Variants in ICA1 observed in about 807,000 individuals in gnomAD.
The protein encoded by ICA1 is islet cell autoantigen 1.
A neutral mutation model predicts 71.0 loss-of-function variants in ICA1; 40 were observed. The ratio of observed to expected loss-of-function variants is 0.56; its 90% CI spans 0.44 to 0.73. The LOEUF is 0.73. ICA1 is among the 30% of genes least tolerant of loss of function. The pLI is 0.00. For synonymous variants in ICA1, 207 were observed against 209.5 expected, an observed-to-expected ratio of 0.99 and a Z score of 0.10; for missense variants, 578 against 576.5, an observed-to-expected ratio of 1.00 and a Z score of -0.03.
At chr7:8,161,076 T>G (rs567004292) in intron 6 of ICA1, among the ~76,000 whole-genome samples, 3 of 152,110 alleles carry the variant, frequency 2.0e-5, no homozygotes, top group African/African-American at 4.8e-5. Context: ...AAAATACACG[T>G]GGGAGTCGGA....
chr7:8,237,770 C>A (rs1216992924), intron 1 of ICA1, among the ~76,000 whole-genome samples: 1 of 151,566 alleles, frequency 6.6e-6, no homozygotes, highest in Non-Finnish European at 1.5e-5. Context: ...GACAGGACTT[C>A]CTTTTTAAGG....
chr7:8,121,578 T>C lies in ICA1; in HGVS notation c.1330+6295A>G, dbSNP rs190142802. The stretch of plus-strand genomic sequence containing the variant: ...CAATTCAGTTCATGGAAATAGAAAG[T>C]AGAATGATGGTTACCAGAGGCTGGA... On this transcript the variant is annotated intron_variant, in intron 13 of 13. Transcript: ENST00000402384. Among the ~76,000 whole-genome samples the C allele has an allele frequency of 1.4e-3, 217 of 152,230 alleles. 1 individual carries two copies. Among genetic ancestry groups the C allele is most frequent in the African/African-American group, 5.1e-3 (212 of 41,528 alleles).
At chr7:8,190,961 G>A (rs3807827) in intron 6 of ICA1, among the ~76,000 whole-genome samples, 135,026 of 152,216 alleles carry the variant, frequency 0.89, 60,001 homozygotes, top group Middle Eastern at 0.95. Flanking sequence ...TACTGCCCTG[G>A]AATTCCTCAG....
intron 1 of ICA1, among the ~76,000 whole-genome samples, chr7:8,251,533 G>T (rs1022690040): frequency 5.3e-5 from 8 of 150,998 alleles, no homozygotes; most frequent in African/African-American, 2.0e-4. Context: ...ATAAAGCTTA[G>T]AGATAATGAA....
chr7:8,258,525 C>G (rs1811056945), intron 1 of ICA1, among the ~76,000 whole-genome samples: 1 of 152,152 alleles, frequency 6.6e-6, no homozygotes, highest in East Asian at 1.9e-4. Flanking sequence ...GTATGCTTCA[C>G]CCACATCACG....
chr7:8,151,622 C>T (rs1031670897), intron 8 of ICA1, among the ~76,000 whole-genome samples: 17 of 152,230 alleles, frequency 1.1e-4, no homozygotes, highest in Admixed American at 9.8e-4. Flanking sequence ...GGATATTTAC[C>T]CAATTTTCAT....
chr7:8,257,928 T>C (rs908041530), intron 1 of ICA1, among the ~76,000 whole-genome samples: 3 of 152,182 alleles, frequency 2.0e-5, no homozygotes, highest in Non-Finnish European at 4.4e-5. Flanking sequence ...CTCCCTTACT[T>C]GTTGACTTTT....
At chr7:8,138,704 T>C in intron 12 of ICA1, 136 bp downstream of exon 12, 1 of 697,802 alleles carries the variant, frequency 1.4e-6, no homozygotes, top group Non-Finnish European at 2.5e-6. Flanking sequence ...AGGTCATTTA[T>C]AAAGACTGTC....
At position 8,166,178 on chromosome 7, in the gene ICA1, G is replaced by A. The variant is rs115293414; in HGVS notation, c.580-7526C>T. On this transcript the variant is annotated intron_variant, in intron 6 of 13. Coordinates refer to ENST00000402384, the MANE Select transcript of ICA1 (RefSeq NM_001136020.3). The stretch of plus-strand genomic sequence containing the variant: ...TGGTGTTATTAATTACCAGTAAAAC[G>A]TAATTATTAATAATGGCCTATCATG... Among the ~76,000 whole-genome samples the A allele has an allele frequency of 2.9e-3, 439 of 152,132 alleles. 1 individual carries two copies. The highest frequency in any genetic ancestry group is 9.8e-3 in the African/African-American group (408 of 41,500).
intron 13 of ICA1, among the ~76,000 whole-genome samples, chr7:8,120,669 C>G (rs758993024): frequency 6.6e-6 from 1 of 152,158 alleles, no homozygotes; most frequent in Non-Finnish European, 1.5e-5. Context: ...AATGACTACC[C>G]TAGCTTTCAG....
In ICA1 at chr7:8,143,922, T is replaced by C. The variant is rs1796060743; in HGVS notation, c.855A>G (p.Lys285=). 1.9e-6 allele frequency: 3 copies of C among 1,613,078 alleles called. No individual in the cohort carries two copies. ...KKLVEKEEKK[K]INQQESTDAA... ...CATCTGTACTTTCCTGCTGGTTGAT[T>C]TTCTTCTTCTCTTCTTTCTCAACTA... Residue 285 remains lysine, a synonymous_variant, in exon 9 of 14, where the codon AAA becomes AAG. Transcript: ENST00000402384.
chr7:8,192,640 T>C (rs1786072156), intron 6 of ICA1, among the ~76,000 whole-genome samples: 1 of 152,242 alleles, frequency 6.6e-6, no homozygotes, highest in Non-Finnish European at 1.5e-5. Flanking sequence ...TCATAGATGA[T>C]TCTTGACTGA....
At chr7:8,230,075 T>A (rs966354580) in intron 3 of ICA1, among the ~76,000 whole-genome samples, 1 of 152,240 alleles carries the variant, frequency 6.6e-6, no homozygotes, top group Non-Finnish European at 1.5e-5. Context: ...AACATAATCA[T>A]GCCCAAGGCA....
chr7:8,157,423 T>A (rs747696703), intron 7 of ICA1: 4 of 525,602 alleles, frequency 7.6e-6, no homozygotes, highest in Admixed American at 3.7e-5. Flanking sequence ...CTCCCAGAAC[T>A]CATGCTGCTC....
chr7:8,149,929 C>CT (rs1383705313), intron 8 of ICA1, among the ~76,000 whole-genome samples: 1 of 152,152 alleles, frequency 6.6e-6, no homozygotes, highest in Non-Finnish European at 1.5e-5. Flanking sequence ...AATTCATGGA[C>CT]ATTTAGCACA....
chr7:8,243,634 T>A (rs1437217430), intron 1 of ICA1, among the ~76,000 whole-genome samples: 1 of 152,224 alleles, frequency 6.6e-6, no homozygotes, highest in Non-Finnish European at 1.5e-5. Context: ...ATTGTCCCTG[T>A]TTGCAGATGA....
chr7:8,241,774 T>C (rs1380399929), intron 1 of ICA1, among the ~76,000 whole-genome samples: 1 of 152,136 alleles, frequency 6.6e-6, no homozygotes, highest in East Asian at 1.9e-4. Flanking sequence ...TCCTAGTCTC[T>C]GATAAAACAT....
chr7:8,163,445 C>T (rs997740997), intron 6 of ICA1, among the ~76,000 whole-genome samples: 1 of 152,186 alleles, frequency 6.6e-6, no homozygotes, highest in African/African-American at 2.4e-5. Context: ...TCCATTCATT[C>T]AGCAAATACT....
chr7:8,261,183 G>T (rs1584017947), intron 1 of ICA1, among the ~76,000 whole-genome samples: 1 of 152,078 alleles, frequency 6.6e-6, no homozygotes, highest in African/African-American at 2.4e-5. Flanking sequence ...AAGAGAACGC[G>T]ATTCTTTCCA....
Sources: allele counts gnomAD v4.1 joint callset (sites outside exome capture counted in the v4.1 genomes callset), GRCh38; gene constraint gnomAD v4.1.1; transcripts MANE v1.5; gene names NCBI Gene and HGNC (gene_info 2026-07-23, HGNC 2026-07-21).